CREBRF: variants seen among roughly 807,000 people sequenced by gnomAD.
CREBRF encodes UPF0474 protein C5orf41.
In CREBRF, 5 loss-of-function variants were observed where a neutral mutation model predicts 66.1. That is an observed-to-expected ratio of 0.08 (90% CI 0.04 to 0.16). The LOEUF is 0.16. Ranked by LOEUF, CREBRF falls within the 10% of genes least tolerant of loss-of-function variation. CREBRF has a pLI of 1.00. For missense variants in CREBRF, 531 were observed against 744.9 expected (o/e 0.71, Z 3.34); for synonymous variants, 229 against 264.4 (o/e 0.87, Z 1.30).
At position 173,138,418 on chromosome 5, in the gene CREBRF, G is replaced by A. The variant is rs535686086; in HGVS notation, c.*4673G>A. ...CATGCTTAATAAACTGACTGAAATC[G>A]TAGAAATTACACCTAGGAACTGAGC... On this transcript the variant is annotated 3_prime_UTR_variant, in exon 9 of 9. Coordinates refer to ENST00000296953, the MANE Select transcript of CREBRF (RefSeq NM_153607.3). The A allele has an allele frequency of 9.9e-5, 15 of 152,234 alleles. No homozygotes were observed. The highest frequency in any genetic ancestry group is 8.3e-4 in the South Asian group (4 of 4,832). 9.4% of individuals were successfully genotyped at this position (152,234 alleles called of 1,614,324 possible). A position where few individuals can be genotyped will look rare whatever the true frequency, so the allele number is the denominator to read the frequency against.
At chr5:173,118,229 C>T (rs1759055348) in intron 7 of CREBRF, among the ~76,000 whole-genome samples, 1 of 152,036 alleles carries the variant, frequency 6.6e-6, no homozygotes. Flanking sequence ...AGGCTGGTTT[C>T]GAACTCCTGG....
At chr5:173,096,650 A>C (rs1004875324) in intron 4 of CREBRF, among the ~76,000 whole-genome samples, 2 of 151,806 alleles carry the variant, frequency 1.3e-5, no homozygotes, top group African/African-American at 4.8e-5. Context: ...CTGGTCTTAG[A>C]GGAAAAGCTT....
At chr5:173,104,497 A>G (rs529029993) in intron 4 of CREBRF, among the ~76,000 whole-genome samples, 1 of 152,178 alleles carries the variant, frequency 6.6e-6, no homozygotes, top group East Asian at 1.9e-4. Context: ...TGGGCAACAT[A>G]GGGAGACTCC....
chr5:173,090,670 A>G lies in CREBRF; in HGVS notation c.491A>G (p.Lys164Arg). The change falls in exon 4 of 9, where the codon AAA becomes AGA. Residue 164 changes from lysine to arginine, a missense_variant. This residue lies in a region of CREBRF where 133 missense variants were observed against 215.6 expected (regional missense o/e 0.62). Transcript: ENST00000296953. The surrounding 1 kb of genome is among the most constrained non-coding windows in gnomAD (Gnocchi z 4.5). ...LYYPDSLFSV[K>R]QNPLPSSFPG... ...TACCCCGATTCACTTTTCAGTGTCA[A>G]ACAAAATCCCTTACCCTCTTCATTC... 6.2e-7 allele frequency: 1 copy of G among 1,614,162 alleles called. No individual in the cohort carries two copies. Among genetic ancestry groups the G allele is most frequent in the Non-Finnish European group, 8.5e-7 (1 of 1,180,024 alleles).
chr5:173,087,041 G>A (rs1290288968), intron 3 of CREBRF, among the ~76,000 whole-genome samples: 1 of 151,802 alleles, frequency 6.6e-6, no homozygotes, highest in Non-Finnish European at 1.5e-5. Context: ...CCATCTCCTG[G>A]GTTTAAGCTA....
intron 4 of CREBRF, among the ~76,000 whole-genome samples, chr5:173,094,046 A>G (rs1419212820): frequency 6.6e-6 from 1 of 152,130 alleles, no homozygotes; most frequent in African/African-American, 2.4e-5. Context: ...TGCCTGGCTT[A>G]TTTAACTTAG....
chr5:173,076,247 G>C (rs1358149415), intron 1 of CREBRF, among the ~76,000 whole-genome samples: 1 of 152,026 alleles, frequency 6.6e-6, no homozygotes, highest in Non-Finnish European at 1.5e-5. Flanking sequence ...TCTATCAAGA[G>C]CCCACTCCTG....
At position 173,117,645 on chromosome 5, in the gene CREBRF, C is replaced by CCT. The variant is rs139061048; in HGVS notation, c.1681+5285_1681+5286dup. ...TCACTCCCTCCCTCCCTCCTTCTCT[C>CCT]CTCTCTCTCTCTCTCTCTCTTTCTT... is the stretch of plus-strand genomic sequence containing the variant. On this transcript the variant is annotated intron_variant, in intron 7 of 8. Coordinates refer to ENST00000296953, the MANE Select transcript of CREBRF (RefSeq NM_153607.3). 3.0e-3 allele frequency among the ~76,000 whole-genome samples: 200 copies of CCT among 67,104 alleles called. 2 individuals carry two copies. The highest frequency in any genetic ancestry group is 5.2e-3 in the African/African-American group (107 of 20,614). 44.0% of individuals were successfully genotyped at this position (67,104 alleles called of 152,430 possible).
rs1340916483 is a variant in CREBRF at position 173,123,064 on chromosome 5, T to G, written c.1682-16T>G. Reference sequence around the variant, plus strand: ...ATGGTAGTGACATATTCCAAGTGTTTTGTTCTGTCTTACAGATAATTTATT... The same window carrying G: ...ATGGTAGTGACATATTCCAAGTGTTGTGTTCTGTCTTACAGATAATTTATT... On this transcript the variant is annotated splice_polypyrimidine_tract_variant and intron_variant, in intron 7 of 8. Coordinates refer to ENST00000296953, the MANE Select transcript of CREBRF (RefSeq NM_153607.3). 6.4e-7 allele frequency: 1 copy of G among 1,570,216 alleles called. No individual in the cohort carries two copies. Among genetic ancestry groups the G allele is most frequent in the Non-Finnish European group, 8.6e-7 (1 of 1,166,614 alleles).
chr5:173,119,340 T>C (rs1330123546), intron 7 of CREBRF, among the ~76,000 whole-genome samples: 3 of 152,196 alleles, frequency 2.0e-5, no homozygotes, highest in East Asian at 3.8e-4. Context: ...AAGTCTTCTT[T>C]AGTTTCTCTC....
At chr5:173,066,412 T>C (rs1581657572) in intron 1 of CREBRF, among the ~76,000 whole-genome samples, 2 of 152,236 alleles carry the variant, frequency 1.3e-5, no homozygotes, top group African/African-American at 4.8e-5. Context: ...TTCACCTTTT[T>C]CCTAAAGCTT....
chr5:173,058,377 G>T (rs55639359), intron 1 of CREBRF, among the ~76,000 whole-genome samples: 25,692 of 152,116 alleles, frequency 0.17, 3,166 homozygotes, highest in African/African-American at 0.34. Context: ...ACATGCCTTA[G>T]ATAGATCATG....
At chr5:173,065,934 C>T (rs1287610524) in intron 1 of CREBRF, among the ~76,000 whole-genome samples, 2 of 151,990 alleles carry the variant, frequency 1.3e-5, no homozygotes, top group South Asian at 2.1e-4. Context: ...CCGCACCTGG[C>T]CCCTTTGGGT....
chr5:173,103,190 G>A (rs1561809442), intron 4 of CREBRF, among the ~76,000 whole-genome samples: 2 of 152,094 alleles, frequency 1.3e-5, no homozygotes, highest in Non-Finnish European at 2.9e-5. Flanking sequence ...TCTCTTCTTG[G>A]ACCTATTTGA....
chr5:173,098,710 T>C (rs950422609), intron 4 of CREBRF, among the ~76,000 whole-genome samples: 4 of 152,154 alleles, frequency 2.6e-5, no homozygotes, highest in Non-Finnish European at 5.9e-5. Flanking sequence ...TCCCCTATAT[T>C]ACCGTCTGTT....
At chr5:173,094,974 G>C (rs1482749113) in intron 4 of CREBRF, among the ~76,000 whole-genome samples, 1 of 151,820 alleles carries the variant, frequency 6.6e-6, no homozygotes, top group Non-Finnish European at 1.5e-5. Flanking sequence ...ATGAGATAAG[G>C]GTCTCCAGTG....
At chr5:173,099,433 G>A (rs942390265) in intron 4 of CREBRF, among the ~76,000 whole-genome samples, 5 of 152,104 alleles carry the variant, frequency 3.3e-5, no homozygotes, top group Non-Finnish European at 7.4e-5. Flanking sequence ...TGGGATTACA[G>A]GTGTGAGCCA....
At chr5:173,095,974 T>G (rs774488740) in intron 4 of CREBRF, among the ~76,000 whole-genome samples, 11 of 152,000 alleles carry the variant, frequency 7.2e-5, no homozygotes, top group Non-Finnish European at 1.5e-4. Context: ...TATGGTGAAG[T>G]CTTTTCTTTT....
At chr5:173,131,398 T>G (rs114757199) in intron 8 of CREBRF, among the ~76,000 whole-genome samples, 1,989 of 152,320 alleles carry the variant, frequency 0.013, 19 homozygotes, top group Middle Eastern at 0.044. Context: ...TAGCATTTTT[T>G]TGTGTGTGTG....
Sources: allele counts gnomAD v4.1 joint callset (sites outside exome capture counted in the v4.1 genomes callset), GRCh38; gene constraint gnomAD v4.1.1; regional missense constraint gnomAD v4.1.1; non-coding constraint Gnocchi (gnomAD v3.1); transcripts MANE v1.5; gene names NCBI Gene and HGNC (gene_info 2026-07-23, HGNC 2026-07-21).